NFATC1: variants seen among roughly 807,000 people sequenced by gnomAD.
NFATC1 encodes the protein nuclear factor of activated T-cells, cytoplasmic 1.
A neutral mutation model predicts 76.0 loss-of-function variants in NFATC1; 22 were observed. The ratio of observed to expected loss-of-function variants is 0.29; its 90% CI spans 0.21 to 0.41. NFATC1 has a LOEUF of 0.41. NFATC1 is among the 10% of genes least tolerant of loss of function. The pLI, the probability that NFATC1 is intolerant of heterozygous loss-of-function variation, is 1.00. For missense variants in NFATC1, 1,357 were observed against 1,337.7 expected (o/e 1.01, Z -0.23); for synonymous variants, 704 against 613.1 (o/e 1.15, Z -2.19).
chr18:79,517,952 T>G (rs1030093662), intron 9 of NFATC1, among the ~76,000 whole-genome samples: 1 of 152,254 alleles, frequency 6.6e-6, no homozygotes. Flanking sequence ...GATTAAACAG[T>G]GTATTTGGGT....
At chr18:79,487,179 G>A (rs1300559992) in intron 9 of NFATC1, among the ~76,000 whole-genome samples, 1 of 152,224 alleles carries the variant, frequency 6.6e-6, no homozygotes, top group Non-Finnish European at 1.5e-5. Flanking sequence ...GGCGGGTCCT[G>A]GGCTGCAGAT....
intron 8 of NFATC1, chr18:79,469,928 C>T (rs1358090720): frequency 8.1e-6 from 8 of 985,430 alleles, no homozygotes; most frequent in Non-Finnish European, 9.6e-6. Context: ...CAGGCTGCCG[C>T]AGGGCGAGAT....
Position 79,464,648 on chromosome 18 carries a change from T to TTCTG in NFATC1, c.1960-2801_1960-2800insCTGT, listed in dbSNP as rs1555911903. On this transcript the variant is annotated intron_variant, in intron 7 of 9. Coordinates refer to ENST00000427363, the MANE Select transcript of NFATC1 (RefSeq NM_001278669.2). Reference sequence around the variant, plus strand: ...TACATTATATTGTGGATATATGTGTTTGTGTGTGTGTGTGTGTGTGTGTAT... The same window carrying TTCTG: ...TACATTATATTGTGGATATATGTGTTTCTGTGTGTGTGTGTGTGTGTGTGTGTAT... Among the ~76,000 whole-genome samples, 191 of 131,598 alleles carry TTCTG rather than the reference T, an allele frequency of 1.5e-3. 1 individual carries two copies. The highest frequency in any genetic ancestry group is 3.7e-3 in the African/African-American group (123 of 32,820). The allele number at this position is 131,598 out of a possible 152,430, so 86.3% of individuals were successfully genotyped here.
intron 9 of NFATC1, among the ~76,000 whole-genome samples, chr18:79,498,503 G>A (rs1227104299): frequency 6.8e-6 from 1 of 147,892 alleles, no homozygotes; most frequent in Non-Finnish European, 1.5e-5. Flanking sequence ...ACAGAAAGAA[G>A]AAAGAATCAA....
intron 6 of NFATC1, among the ~76,000 whole-genome samples, chr18:79,458,554 G>A (rs2087873382): frequency 6.6e-6 from 1 of 152,238 alleles, no homozygotes; most frequent in Non-Finnish European, 1.5e-5. Flanking sequence ...TCGCGGGTGT[G>A]GCAGGGAAGC....
intron 2 of NFATC1, chr18:79,422,765 G>A (rs1488139176): frequency 2.0e-5 from 3 of 152,262 alleles, no homozygotes; most frequent in Non-Finnish European, 2.9e-5. Context: ...TGAGCTGCAA[G>A]GAATGTTTCA....
At chr18:79,494,276 TACC>T (rs2089797600) in intron 9 of NFATC1, among the ~76,000 whole-genome samples, 10 of 141,390 alleles carry the variant, frequency 7.1e-5, no homozygotes, top group South Asian at 2.3e-4. Flanking sequence ...ATGAACCTGG[TACC>T]GCCGGGGGAA....
intron 8 of NFATC1, among the ~76,000 whole-genome samples, chr18:79,481,165 G>A (rs2089258404): frequency 6.6e-6 from 1 of 152,236 alleles, no homozygotes; most frequent in African/African-American, 2.4e-5. Context: ...CCATCGTCTG[G>A]CTTTGTCGTG....
intron 3 of NFATC1, among the ~76,000 whole-genome samples, chr18:79,440,475 C>T (rs1193401452): frequency 6.6e-6 from 1 of 152,256 alleles, no homozygotes; most frequent in East Asian, 1.9e-4. Context: ...GCCCTGGCAG[C>T]TCTCATGTGG....
chr18:79,406,696 C>G (rs897682597), intron 1 of NFATC1, among the ~76,000 whole-genome samples: 1 of 152,178 alleles, frequency 6.6e-6, no homozygotes, highest in Admixed American at 6.5e-5. Flanking sequence ...GAGTAATGAA[C>G]AGGTGGCTCG....
In NFATC1 at chr18:79,410,176, T is replaced by G; in HGVS notation, c.128-227T>G. ...GCTGCTGTTAGGGGAGGAGGGGAGG[T>G]GGGCAGTGAGGGGCTCACGGGAGCC... On this transcript the variant is annotated intron_variant, in intron 1 of 9. Transcript: ENST00000427363. This position sits in a 1 kb window ranked among gnomAD's most constrained non-coding sequence, Gnocchi z 6.7. 1 of 764,548 alleles carries G rather than the reference T, an allele frequency of 1.3e-6. No individual in the cohort carries two copies. The highest frequency in any genetic ancestry group is 2.3e-4 in the Middle Eastern group (1 of 4,284). 47.4% of individuals were successfully genotyped at this position (764,548 alleles called of 1,614,324 possible).
chr18:79,445,497 G>A (rs770499928), intron 3 of NFATC1, among the ~76,000 whole-genome samples: 23 of 152,246 alleles, frequency 1.5e-4, no homozygotes, highest in Non-Finnish European at 2.6e-4. Flanking sequence ...TGTCACCTCT[G>A]GCTGCTGTTG....
chr18:79,482,901 G>T (rs1471541666), intron 8 of NFATC1, among the ~76,000 whole-genome samples: 1 of 139,876 alleles, frequency 7.1e-6, no homozygotes, highest in African/African-American at 2.7e-5. Flanking sequence ...ATTCCAGCGT[G>T]ACCTGGTCCT....
At chr18:79,436,319 G>A (rs990408874) in intron 3 of NFATC1, among the ~76,000 whole-genome samples, 1 of 152,228 alleles carries the variant, frequency 6.6e-6, no homozygotes, top group Non-Finnish European at 1.5e-5. Flanking sequence ...AACAACTGGC[G>A]CGGGAGTTTC....
intron 1 of NFATC1, 130 bp downstream of exon 1, chr18:79,396,481 G>A: frequency 2.1e-6 from 1 of 469,518 alleles, no homozygotes; most frequent in Non-Finnish European, 3.0e-6. Context: ...GGGTCTGTGC[G>A]CCCAGGGAGG....
chr18:79,528,888 C>G lies in NFATC1; in HGVS notation c.*1311C>G, dbSNP rs978137163. The G allele has an allele frequency of 2.6e-5, 4 of 152,568 alleles. No individual in the cohort carries two copies. The highest frequency in any genetic ancestry group is 9.7e-5 in the African/African-American group (4 of 41,422). The allele number at this position is 152,568 out of a possible 1,614,324, so 9.5% of individuals were successfully genotyped here. ...ACAGCGATCTATTGTTCCATATAAC[C>G]AAAAAGCATGGTTTATTCATTGAAA... On this transcript the variant is annotated 3_prime_UTR_variant, in exon 10 of 10. Coordinates refer to ENST00000427363, the MANE Select transcript of NFATC1 (RefSeq NM_001278669.2).
At chr18:79,406,055 C>G (rs1467172587) in intron 1 of NFATC1, among the ~76,000 whole-genome samples, 3 of 152,212 alleles carry the variant, frequency 2.0e-5, no homozygotes, top group Non-Finnish European at 2.9e-5. Context: ...TGATCTGGCT[C>G]TAGTACCCCG....
chr18:79,510,283 A>G (rs1456975639), intron 9 of NFATC1, among the ~76,000 whole-genome samples: 6 of 152,202 alleles, frequency 3.9e-5, no homozygotes, highest in Non-Finnish European at 7.3e-5. Context: ...CTTTCAAAAG[A>G]TGACATAGAA....
intron 7 of NFATC1, 135 bp from the exon 8 acceptor site, chr18:79,467,315 C>T (rs1444901836): frequency 2.5e-6 from 2 of 801,412 alleles, no homozygotes; most frequent in South Asian, 1.7e-5. Flanking sequence ...GCGGGGTTGC[C>T]GTGTGGCCGC....
Sources: gnomAD v4.1 joint callset for allele counts (sites outside exome capture counted in the v4.1 genomes callset) on GRCh38, gnomAD v4.1.1 for gene constraint, Gnocchi (gnomAD v3.1) non-coding constraint, MANE v1.5 for transcripts, NCBI Gene and HGNC (gene_info 2026-07-23, HGNC 2026-07-21) for gene names.